PHF8: variants seen among roughly 807,000 people sequenced by gnomAD.
PHF8 encodes the protein PHD finger protein 8, also known as histone lysine demethylase PHF8.
In PHF8, 9 loss-of-function variants were observed where a neutral mutation model predicts 74.4. That is an observed-to-expected ratio of 0.12 (90% CI 0.07 to 0.21). The LOEUF is 0.21. PHF8 is among the 10% of genes least tolerant of loss of function. PHF8 has a pLI of 1.00. For synonymous variants in PHF8, 311 were observed against 316.6 expected (o/e 0.98, Z 0.19); for missense variants, 478 against 816.6 (o/e 0.59, Z 5.05).
chrX:54,008,703 G>GA (rs1174175107), intron 8 of PHF8, among the ~76,000 whole-genome samples: 1 of 110,658 alleles, frequency 9.0e-6, no homozygotes, highest in Non-Finnish European at 1.9e-5. Flanking sequence ...GATGATTCTT[G>GA]AAAACATTAC....
chrX:54,023,862 A>C (rs1039429326), intron 2 of PHF8, among the ~76,000 whole-genome samples: 1 of 108,563 alleles, frequency 9.2e-6, no homozygotes, highest in Non-Finnish European at 1.9e-5. Context: ...AAAAAAAAAA[A>C]AAGAAGACCC....
chrX:53,983,352 A>G (rs781892329), intron 18 of PHF8, among the ~76,000 whole-genome samples: 1 of 111,833 alleles, frequency 8.9e-6, no homozygotes, highest in Non-Finnish European at 1.9e-5. Flanking sequence ...ACAAATCAAT[A>G]AGAAAAACAA....
rs184791234 is a variant in PHF8 at position 54,022,474 on chromosome X, G to A, written c.185-107C>T. On this transcript the variant is annotated intron_variant, in intron 3 of 21. Coordinates refer to ENST00000338154, the MANE Select transcript of PHF8 (RefSeq NM_015107.3). The stretch of plus-strand genomic sequence containing the variant: ...TCTCTTCCAATCTAACCACCCCTTG[G>A]AGCATCTGGAGTCAATGAGGCCCTC... 2.6e-5 allele frequency: 15 copies of A among 578,455 alleles called. No homozygotes were observed. In the East Asian group the frequency reaches 2.6e-4, roughly 10 times the overall value. The allele number at this position is 578,455 out of a possible 1,213,427, so 47.7% of individuals were successfully genotyped here. A position where few individuals can be genotyped will look rare whatever the true frequency, so the allele number is the denominator to read the frequency against.
At chrX:54,009,035 G>A (rs1183307841) in intron 8 of PHF8, among the ~76,000 whole-genome samples, 3 of 111,086 alleles carry the variant, frequency 2.7e-5, no homozygotes, top group Non-Finnish European at 5.7e-5. Flanking sequence ...AAAATTAGCC[G>A]GGTGTGGTAG....
chrX:53,984,685 G>T (rs1257721993), intron 18 of PHF8, among the ~76,000 whole-genome samples: 2 of 112,128 alleles, frequency 1.8e-5, no homozygotes, highest in Non-Finnish European at 3.8e-5. Flanking sequence ...CTTCCCATGA[G>T]CAAGAAACTG....
At chrX:54,036,922 C>T (rs1369187104) in intron 2 of PHF8, among the ~76,000 whole-genome samples, 1 of 106,398 alleles carries the variant, frequency 9.4e-6, no homozygotes, top group Admixed American at 1.0e-4. Flanking sequence ...ATCACTTGAA[C>T]CCGGGAGGTG....
At chrX:54,042,841 T>C in intron 1 of PHF8, 21 bp from the exon 2 acceptor site, 3 of 1,084,762 alleles carry the variant, frequency 2.8e-6, no homozygotes, top group African/African-American at 3.7e-5. Flanking sequence ...ATAACACTTT[T>C]TACAGAGTGA....
At position 54,041,309 on chromosome X, in the gene PHF8, G is replaced by A. The variant is rs1228821276; in HGVS notation, c.98+1322C>T. The stretch of plus-strand genomic sequence containing the variant: ...TGAGGCACGAGAATCGCTTGAACCC[G>A]GGAGGCAGAGGTTGCAGTGAGCTGA... On this transcript the variant is annotated intron_variant, in intron 2 of 21. Coordinates refer to ENST00000338154, the MANE Select transcript of PHF8 (RefSeq NM_015107.3). 5.5e-5 allele frequency among the ~76,000 whole-genome samples: 6 copies of A among 108,122 alleles called. No homozygotes were observed. The East Asian group carries it at 1.4e-3, about 26-fold the overall frequency. 93.9% of individuals were successfully genotyped at this position (108,122 alleles called of 115,157 possible).
At chrX:54,035,612 C>G (rs1372856304) in intron 2 of PHF8, among the ~76,000 whole-genome samples, 2 of 108,983 alleles carry the variant, frequency 1.8e-5, no homozygotes, top group Non-Finnish European at 1.9e-5. Context: ...GGAGGTACCA[C>G]CAACCTACAC....
At chrX:54,029,519 C>A (rs782709957) in intron 2 of PHF8, among the ~76,000 whole-genome samples, 1 of 112,367 alleles carries the variant, frequency 8.9e-6, no homozygotes, top group Admixed American at 9.4e-5. Flanking sequence ...AATAGAAAAG[C>A]TTTTTCCTTT....
intron 19 of PHF8, among the ~76,000 whole-genome samples, chrX:53,950,399 A>C (rs1603301168): frequency 8.9e-6 from 1 of 112,892 alleles, no homozygotes; most frequent in East Asian, 2.8e-4. Context: ...CTAAAGAATG[A>C]GATATCCATA....
chrX:54,020,634 T>C (rs1411575984), intron 4 of PHF8, among the ~76,000 whole-genome samples: 1 of 112,026 alleles, frequency 8.9e-6, no homozygotes, highest in Non-Finnish European at 1.9e-5. Flanking sequence ...AAATAACGGG[T>C]TGACTTTGGA....
intron 7 of PHF8, among the ~76,000 whole-genome samples, chrX:54,011,535 G>T (rs2065980972): frequency 8.9e-6 from 1 of 111,961 alleles, no homozygotes; most frequent in African/African-American, 3.2e-5. Flanking sequence ...AAACAAAATT[G>T]TTCAAGTTAA....
chrX:53,940,194 T>C lies in PHF8; in HGVS notation c.2972A>G (p.Asn991Ser), dbSNP rs1420385679. 14 of 1,178,889 alleles carry C rather than the reference T, an allele frequency of 1.2e-5. No homozygotes were observed. In the East Asian group the frequency reaches 1.2e-4, roughly 10 times the overall value. The change falls in exon 21 of 22, where the codon AAT (asparagine) becomes AGT (serine). Residue 991 changes from asparagine to serine, a missense_variant. Coordinates refer to ENST00000338154, the MANE Select transcript of PHF8 (RefSeq NM_015107.3). ...QRRPSVGSQS[N>S]QAGQGKRPKK... is the part of the protein sequence containing the mutation. ...GGCCGTTGTACCTTGTCCTGCCTGA[T>C]TGCTCTGGGAGCCAACTGAAGGGCG...
At chrX:54,039,133 CAA>C (rs61507959) in intron 2 of PHF8, among the ~76,000 whole-genome samples, 24 of 42,607 alleles carry the variant, frequency 5.6e-4, no homozygotes, top group African/African-American at 7.5e-4. Context: ...GACTCTGTCT[CAA>C]AAAAAAAAAA....
intron 18 of PHF8, among the ~76,000 whole-genome samples, chrX:53,982,258 T>C (rs1232889870): frequency 8.9e-6 from 1 of 112,654 alleles, no homozygotes; most frequent in Non-Finnish European, 1.9e-5. Flanking sequence ...TGAGCATCTG[T>C]GGTCTCCTCA....
chrX:53,938,807 T>C lies in PHF8; in HGVS notation c.*351A>G. ...CCACTTCATGGCTCAGGCTCCTTCA[T>C]ACCTCTCCTCATCCTGCCTTCCAGC... is the stretch of plus-strand genomic sequence containing the variant. On this transcript the variant is annotated 3_prime_UTR_variant, in exon 22 of 22. Transcript: ENST00000338154. The C allele has an allele frequency of 1.2e-6, 1 of 805,588 alleles. No homozygotes were observed. The highest frequency in any genetic ancestry group is 1.5e-6 in the Non-Finnish European group (1 of 672,458). 66.4% of individuals were successfully genotyped at this position (805,588 alleles called of 1,213,427 possible).
chrX:54,043,138 A>G, intron 1 of PHF8: 1 of 818,033 alleles, frequency 1.2e-6, no homozygotes, highest in East Asian at 7.4e-5. Flanking sequence ...AGCTTCTTTC[A>G]TCTCTCACTG....
At chrX:53,940,814 AGACCTTG>A (rs1479525146) in intron 20 of PHF8, among the ~76,000 whole-genome samples, 1 of 112,692 alleles carries the variant, frequency 8.9e-6, no homozygotes, top group Non-Finnish European at 1.9e-5. Context: ...CTAATGAGGT[AGACCTTG>A]GACACGTCTA....
Sources: allele counts gnomAD v4.1 joint callset (sites outside exome capture counted in the v4.1 genomes callset), GRCh38; gene constraint gnomAD v4.1.1; transcripts MANE v1.5; gene names NCBI Gene and HGNC (gene_info 2026-07-23, HGNC 2026-07-21).